HTT: variants seen among roughly 807,000 people sequenced by gnomAD.
HTT encodes huntington disease protein.
In HTT, 104 loss-of-function variants were observed where a neutral mutation model predicts 362.3. The observed-to-expected ratio is 0.29, with a 90% CI of 0.24 to 0.34. The LOEUF is 0.34. Among genes scored for constraint, HTT ranks in the 10% least tolerant of loss-of-function variants. The pLI, the probability that HTT is intolerant of heterozygous loss-of-function variation, is 1.00. For missense variants in HTT, 3,301 were observed against 3,928.6 expected (o/e 0.84, Z 4.27); for synonymous variants, 1,577 against 1,548.7 (o/e 1.02, Z -0.43).
chr4:3,142,682 A>T, intron 22 of HTT, 84 bp from the exon 23 acceptor site: 1 of 694,490 alleles, frequency 1.4e-6, no homozygotes, highest in Non-Finnish European at 2.3e-6. Context: ...TTTAATCTTT[A>T]ATCTTAAACT....
At position 3,203,978 on chromosome 4, in the gene HTT, A is replaced by T. The variant is rs372749107; in HGVS notation, c.5577-29A>T. ...AATAAGCTCACTGCCATCCAGAAAC[A>T]TTGTCAATGCATCTGTTGCTCCTTC... On this transcript the variant is annotated intron_variant, in intron 41 of 66. Transcript: ENST00000355072. The T allele has an allele frequency of 1.9e-5, 30 of 1,610,004 alleles. No individual in the cohort carries two copies. The East Asian group carries it at 5.1e-4, about 28-fold the overall frequency.
chr4:3,212,426 G>A, intron 48 of HTT, 138 bp from the exon 49 acceptor site: 1 of 1,156,610 alleles, frequency 8.6e-7, no homozygotes, highest in African/African-American at 1.5e-5. Context: ...GCAGTCCTGT[G>A]GACGGATGTG....
chr4:3,143,453 A>G (rs1244783039), intron 23 of HTT, among the ~76,000 whole-genome samples: 4 of 150,846 alleles, frequency 2.7e-5, no homozygotes, highest in African/African-American at 9.7e-5. Context: ...AAAAAAAAAA[A>G]AAGAAAAGAA....
At chr4:3,108,962 C>T (rs917444819) in intron 6 of HTT, among the ~76,000 whole-genome samples, 4 of 151,694 alleles carry the variant, frequency 2.6e-5, no homozygotes, top group Admixed American at 6.6e-5. Context: ...ACAGGAGGCT[C>T]GGTTGAGCCC....
intron 10 of HTT, among the ~76,000 whole-genome samples, chr4:3,124,413 G>A (rs989393784): frequency 6.6e-6 from 1 of 152,092 alleles, no homozygotes; most frequent in Admixed American, 6.5e-5. Flanking sequence ...TGTTATAGCT[G>A]GAAAATCCTT....
chr4:3,122,572 G>A (rs1008121568), intron 9 of HTT, among the ~76,000 whole-genome samples: 6 of 152,094 alleles, frequency 3.9e-5, no homozygotes, highest in African/African-American at 1.2e-4. Flanking sequence ...AATACCCATC[G>A]CTAATGAAAA....
At chr4:3,086,796 A>G (rs529321959) in intron 1 of HTT, 143 bp from the exon 2 acceptor site, 1 of 541,764 alleles carries the variant, frequency 1.8e-6, no homozygotes, top group Non-Finnish European at 3.4e-6. Flanking sequence ...CCCTGTCCAG[A>G]TCCCCATTCT....
chr4:3,210,416 T>C (rs1720096984), intron 47 of HTT, among the ~76,000 whole-genome samples: 1 of 152,310 alleles, frequency 6.6e-6, no homozygotes, highest in Non-Finnish European at 1.5e-5. Flanking sequence ...TTCTAGTGTC[T>C]TGGAAGTTGA....
rs769822973 is a variant in HTT at position 3,223,394 on chromosome 4, C to G, written c.7471-12C>G. The G allele has an allele frequency of 6.4e-7, 1 of 1,565,720 alleles. No individual in the cohort carries two copies. The highest frequency in any genetic ancestry group is 8.7e-7 in the Non-Finnish European group (1 of 1,153,860). On this transcript the variant is annotated splice_polypyrimidine_tract_variant and intron_variant, in intron 54 of 66. Transcript: ENST00000355072. ...CTTGCTGCTCTTGTTGACATGTGGG[C>G]TCTCCTTCCAGGAAGACACAGAGAG...
chr4:3,143,688 C>T (rs1716462071), intron 23 of HTT, among the ~76,000 whole-genome samples: 3 of 151,520 alleles, frequency 2.0e-5, no homozygotes, highest in South Asian at 2.1e-4. Flanking sequence ...ACCACAACCT[C>T]CACCTCCCGG....
Position 3,074,931 on chromosome 4 carries a change from CAGCAACA to C in HTT, c.107_113del (p.Gln36ArgfsTer63), listed in dbSNP as rs1435163518. On this transcript the variant is annotated frameshift_variant, in exon 1 of 67. Transcript: ENST00000355072. LOFTEE classifies it high-confidence loss of function. ...GCAGCAGCAGCAGCAGCAGCAGCAG[CAGCAACA>C]GCCGCCACCGCCGCCGCCGCCGCCG... The C allele has an allele frequency of 6.0e-6, 9 of 1,490,830 alleles. No homozygotes were observed. The African/African-American group carries it at 8.9e-5, about 15-fold the overall frequency. 92.4% of individuals were successfully genotyped at this position (1,490,830 alleles called of 1,614,324 possible). A position where few individuals can be genotyped will look rare whatever the true frequency, so the allele number is the denominator to read the frequency against.
chr4:3,220,371 G>GCC, intron 53 of HTT, 63 bp downstream of exon 53: 4 of 1,539,158 alleles, frequency 2.6e-6, no homozygotes, highest in Non-Finnish European at 3.6e-6. Flanking sequence ...GAAATCCAGA[G>GCC]CCCCCAGTAC....
chr4:3,226,544 A>T (rs1451885981), intron 57 of HTT, among the ~76,000 whole-genome samples: 1 of 152,202 alleles, frequency 6.6e-6, no homozygotes, highest in Non-Finnish European at 1.5e-5. Context: ...CTACAGGTGT[A>T]TGCTGGGCGG....
intron 40 of HTT, among the ~76,000 whole-genome samples, chr4:3,189,837 C>G (rs911549817): frequency 6.6e-6 from 1 of 152,096 alleles, no homozygotes; most frequent in Non-Finnish European, 1.5e-5. Context: ...CCAGCCTCAG[C>G]AACATGGTAG....
intron 21 of HTT, among the ~76,000 whole-genome samples, chr4:3,138,738 G>A (rs984514242): frequency 2.6e-5 from 4 of 151,954 alleles, no homozygotes; most frequent in Non-Finnish European, 5.9e-5. Context: ...CAGCCTCCCA[G>A]GAAGCTGGAA....
At chr4:3,208,519 T>C (rs1027085899) in intron 45 of HTT, among the ~76,000 whole-genome samples, 2 of 152,170 alleles carry the variant, frequency 1.3e-5, no homozygotes, top group African/African-American at 4.8e-5. Flanking sequence ...TTCTGGAAAA[T>C]ATTAATGGAG....
At chr4:3,085,502 G>C (rs895340168) in intron 1 of HTT, among the ~76,000 whole-genome samples, 1 of 152,154 alleles carries the variant, frequency 6.6e-6, no homozygotes, top group Non-Finnish European at 1.5e-5. Context: ...AGCCAGGACT[G>C]TTCTTACCCT....
intron 6 of HTT, among the ~76,000 whole-genome samples, chr4:3,111,966 C>G (rs1349582624): frequency 6.6e-6 from 1 of 152,192 alleles, no homozygotes; most frequent in Non-Finnish European, 1.5e-5. Flanking sequence ...CTCCCCTGTC[C>G]CCAGCAAAGC....
intron 26 of HTT, among the ~76,000 whole-genome samples, chr4:3,149,462 C>T (rs1460140002): frequency 6.6e-6 from 1 of 152,032 alleles, no homozygotes; most frequent in Non-Finnish European, 1.5e-5. Context: ...TGCACCACCA[C>T]ACCCAGCTAA....
Sources: allele counts gnomAD v4.1 joint callset (sites outside exome capture counted in the v4.1 genomes callset), GRCh38; gene constraint gnomAD v4.1.1; transcripts MANE v1.5; gene names NCBI Gene and HGNC (gene_info 2026-07-23, HGNC 2026-07-21).